HMCN2: variants seen among roughly 807,000 people sequenced by gnomAD.
The protein encoded by HMCN2 is hemicentin-2.
In HMCN2, 325 loss-of-function variants were observed where a neutral mutation model predicts 377.5. The ratio of observed to expected loss-of-function variants is 0.86; its 90% CI spans 0.79 to 0.94. HMCN2 has a LOEUF of 0.94. Among genes scored for constraint, HMCN2 ranks in the 40% least tolerant of loss-of-function variants. The pLI, the probability that HMCN2 is intolerant of heterozygous loss-of-function variation, is 0.00. For missense variants in HMCN2, 4,543 were observed against 4,725.3 expected, an observed-to-expected ratio of 0.96 and a Z score of 1.13; for synonymous variants, 2,007 against 2,046.8, an observed-to-expected ratio of 0.98 and a Z score of 0.53.
intron 4 of HMCN2, among the ~76,000 whole-genome samples, chr9:130,292,987 T>TATCTATCG (rs1835876454): frequency 6.9e-6 from 1 of 145,718 alleles, no homozygotes; most frequent in African/African-American, 2.4e-5. Flanking sequence ...TCTATCTATC[T>TATCTATCG]ATCTATCTAT....
intron 1 of HMCN2, among the ~76,000 whole-genome samples, chr9:130,271,583 T>TTTTTTG (rs1305106226): frequency 1.3e-4 from 20 of 149,010 alleles, no homozygotes; most frequent in African/African-American, 3.4e-4. Context: ...TGCACGTGTG[T>TTTTTTG]TTTTTGTTTT....
chr9:130,332,485 C>T (rs1461828303), intron 22 of HMCN2, among the ~76,000 whole-genome samples: 1 of 152,218 alleles, frequency 6.6e-6, no homozygotes, highest in Non-Finnish European at 1.5e-5. Flanking sequence ...TGTTTGGCGG[C>T]ACAGTGACCC....
chr9:130,339,268 C>T (rs1437321772), intron 23 of HMCN2, among the ~76,000 whole-genome samples: 1 of 152,230 alleles, frequency 6.6e-6, no homozygotes, highest in Non-Finnish European at 1.5e-5. Flanking sequence ...CTATGTGCTG[C>T]CTGTGGCTGC....
At chr9:130,424,981 C>A in intron 88 of HMCN2, 28 bp from the exon 89 acceptor site, 1 of 1,527,350 alleles carries the variant, frequency 6.5e-7, no homozygotes, top group Non-Finnish European at 8.8e-7. Context: ...CCCGTGGTGA[C>A]TCTGGGCTGG....
intron 33 of HMCN2, 57 bp downstream of exon 33, chr9:130,355,911 C>A (rs534316177): frequency 2.7e-6 from 3 of 1,111,290 alleles, no homozygotes; most frequent in Middle Eastern, 2.4e-4. Flanking sequence ...GTGTGCTTTG[C>A]GGATTGTGGG....
intron 15 of HMCN2, among the ~76,000 whole-genome samples, chr9:130,311,548 T>C (rs952669111): frequency 1.3e-5 from 2 of 152,122 alleles, no homozygotes; most frequent in Admixed American, 1.3e-4. Flanking sequence ...GGAATGAGCA[T>C]GCACAGGGCA....
chr9:130,341,833 T>C (rs1310007514), intron 24 of HMCN2, among the ~76,000 whole-genome samples: 3 of 152,048 alleles, frequency 2.0e-5, no homozygotes, highest in African/African-American at 7.2e-5. Flanking sequence ...ACCTGGCGCA[T>C]AGAAAGTTCT....
At chr9:130,365,410 G>A (rs1840640710) in intron 41 of HMCN2, among the ~76,000 whole-genome samples, 1 of 152,246 alleles carries the variant, frequency 6.6e-6, no homozygotes, top group Admixed American at 6.5e-5. Context: ...GAGGCTGGCA[G>A]GACTGCCATC....
At position 130,397,586 on chromosome 9, in the gene HMCN2, G is replaced by A. The variant is rs924237687; in HGVS notation, c.11257G>A (p.Gly3753Ser). Reference sequence around the variant, plus strand: ...CCAGCCAGTCCTTGCCCAGGACGCCGGCCACTACCTCTGCCTGGCATCCAA... The same window carrying A: ...CCAGCCAGTCCTTGCCCAGGACGCCAGCCACTACCTCTGCCTGGCATCCAA... ...RIQPVLAQDA[G>S]HYLCLASNSA... Residue 3753 changes from glycine to serine, a missense_variant, in exon 74 of 98, where the codon GGC becomes AGC. Physicochemically the swap from Gly to Ser is moderately conservative, Grantham distance 56. Coordinates refer to ENST00000683500, the MANE Select transcript of HMCN2 (RefSeq NM_001291815.2). 54 of 1,289,650 alleles carry A rather than the reference G, an allele frequency of 4.2e-5. No individual in the cohort carries two copies. The Admixed American group carries it at 5.1e-4, about 12-fold the overall frequency. 79.9% of individuals were successfully genotyped at this position (1,289,650 alleles called of 1,614,324 possible). A position where few individuals can be genotyped will look rare whatever the true frequency, so the allele number is the denominator to read the frequency against.
rs899936348 is a variant in HMCN2 at position 130,428,810 on chromosome 9, T to TC, written c.14197+326dup. On this transcript the variant is annotated intron_variant, in intron 93 of 97. Transcript: ENST00000683500. The surrounding 1 kb of genome is among the most constrained non-coding windows in gnomAD (Gnocchi z 5.0). ...CTCCCTCTGCTGCCATCCGTTCTGT[T>TC]CCCCCATATGAATCAAGGCCCAGCT... Among the ~76,000 whole-genome samples the TC allele has an allele frequency of 1.3e-5, 2 of 152,106 alleles. No homozygotes were observed. Among genetic ancestry groups the TC allele is most frequent in the African/African-American group, 4.8e-5 (2 of 41,420 alleles).
rs879226433 is a variant in HMCN2, at chr9:130,425,934, C to G, written c.13879+10C>G. 6.5e-7 allele frequency: 1 copy of G among 1,539,896 alleles called. No individual in the cohort carries two copies. The highest frequency in any genetic ancestry group is 1.2e-5 in the South Asian group (1 of 83,744). On this transcript the variant is annotated intron_variant, in intron 90 of 97. Transcript: ENST00000683500. ...ACAGCCCTGCAGGCGGGTGAGGCCC[C>G]TCTGCTTTGTTCCACCCCCACTGCC... is the stretch of plus-strand genomic sequence containing the variant.
chr9:130,380,501 A>C (rs1487969446), intron 54 of HMCN2, among the ~76,000 whole-genome samples: 3 of 152,112 alleles, frequency 2.0e-5, no homozygotes, highest in Admixed American at 6.5e-5. Context: ...CAAGAAAAGG[A>C]GGTGGCTGGG....
At position 130,379,397 on chromosome 9, in the gene HMCN2, AC is replaced by A. The variant is rs1017406376; in HGVS notation, c.8366del (p.Pro2789ArgfsTer60). 378 of 985,550 alleles carry A rather than the reference AC, an allele frequency of 3.8e-4. 1 individual carries two copies. The highest frequency in any genetic ancestry group is 3.1e-3 in the Middle Eastern group (6 of 1,912). 61.1% of individuals were successfully genotyped at this position (985,550 alleles called of 1,614,324 possible). A position where few individuals can be genotyped will look rare whatever the true frequency, so the allele number is the denominator to read the frequency against. On this transcript the variant is annotated frameshift_variant, in exon 54 of 98. Transcript: ENST00000683500. LOFTEE classifies it high-confidence loss of function. ...TGTACTGCGACACCAACGCGATCCC[AC>A]CCCCGGACCTCACCTGGTACAGAGA... ...YLYCDTNAIPPPDLTWYREDQ... is the reference protein window; with the variant it reads ...YLYCDTNAIPXPDLTWYREDQ...
chr9:130,346,474 G>A (rs1425631492), intron 25 of HMCN2, among the ~76,000 whole-genome samples: 1 of 151,560 alleles, frequency 6.6e-6, no homozygotes, highest in Non-Finnish European at 1.5e-5. Flanking sequence ...GGTGGGGCTG[G>A]AGGCAGGGGG....
chr9:130,343,548 A>G (rs1179047189), intron 25 of HMCN2, among the ~76,000 whole-genome samples: 2 of 146,134 alleles, frequency 1.4e-5, no homozygotes, highest in Admixed American at 6.7e-5. Context: ...TCCCCGACCC[A>G]GGTCCCCGGC....
At chr9:130,432,798 C>G (rs941417752) in intron 97 of HMCN2, 1 of 562,412 alleles carries the variant, frequency 1.8e-6, no homozygotes, top group South Asian at 2.1e-5. Context: ...AACTCAGACA[C>G]GCCAGCACCA....
chr9:130,302,412 C>A (rs977823530), intron 8 of HMCN2, among the ~76,000 whole-genome samples: 1 of 152,168 alleles, frequency 6.6e-6, no homozygotes, highest in Non-Finnish European at 1.5e-5. Flanking sequence ...ATGTTCTAGG[C>A]GGAGAAGCAA....
rs1300419990 is a variant in HMCN2, at chr9:130,407,573, G to C, written c.12556G>C (p.Gly4186Arg). The C allele has an allele frequency of 7.8e-7, 1 of 1,289,568 alleles. No homozygotes were observed. The highest frequency in any genetic ancestry group is 5.6e-5 in the East Asian group (1 of 17,986). The allele number at this position is 1,289,568 out of a possible 1,614,324, so 79.9% of individuals were successfully genotyped here. The change falls in exon 83 of 98, where the codon GGG becomes CGG. Residue 4186 changes from glycine (G) to arginine (R), a missense_variant and splice_region_variant. Physicochemically the swap from Gly to Arg is moderately radical, Grantham distance 125 (BLOSUM62 -2). Transcript: ENST00000683500. ...WTVNDRPVTEGVSEQDGGSTL... is the reference protein window; with the variant it reads ...WTVNDRPVTERVSEQDGGSTL... ...CGACTTCTCTTTCTCCACCACAGAA[G>C]GGGTGTCTGAGCAGGATGGAGGCAG...
intron 62 of HMCN2, among the ~76,000 whole-genome samples, chr9:130,388,756 G>A (rs945828688): frequency 6.6e-6 from 1 of 151,344 alleles, no homozygotes; most frequent in African/African-American, 2.4e-5. Flanking sequence ...TCCTGTGAGG[G>A]TTTGGAAGCT....
Sources: allele counts gnomAD v4.1 joint callset (sites outside exome capture counted in the v4.1 genomes callset), GRCh38; gene constraint gnomAD v4.1.1; non-coding constraint Gnocchi (gnomAD v3.1); transcripts MANE v1.5; gene names NCBI Gene and HGNC (gene_info 2026-07-23, HGNC 2026-07-21).